Variants in BMAL1 observed in about 807,000 individuals in gnomAD.
The protein encoded by BMAL1 is basic helix-loop-helix ARNT like 1.
the BMAL1 span, among the ~76,000 whole-genome samples, chr11:13,298,284 CTG>C: frequency 6.6e-6 from 1 of 152,176 alleles, no homozygotes. Context: ...GGCATGCTTC[CTG>C]TTTAAGCTCT....
chr11:13,371,956 C>G, the BMAL1 span, among the ~76,000 whole-genome samples: 1 of 152,212 alleles, frequency 6.6e-6, no homozygotes, highest in African/African-American at 2.4e-5. Context: ...CATGGTATAA[C>G]TGGCCCTACT....
chr11:13,288,289 C>G, the BMAL1 span, among the ~76,000 whole-genome samples: 1 of 152,140 alleles, frequency 6.6e-6, no homozygotes, highest in African/African-American at 2.4e-5. Flanking sequence ...GTGGTAGATC[C>G]AGGCTTAAAA....
At chr11:13,296,629 C>T in the BMAL1 span, among the ~76,000 whole-genome samples, 1 of 152,188 alleles carries the variant, frequency 6.6e-6, no homozygotes, top group African/African-American at 2.4e-5. Flanking sequence ...GTGAATGTGG[C>T]CCTCAGAGGG....
the BMAL1 span, among the ~76,000 whole-genome samples, chr11:13,334,432 C>G: frequency 2.0e-5 from 3 of 152,136 alleles, no homozygotes; most frequent in Non-Finnish European, 2.9e-5. Flanking sequence ...TCTGCACTGT[C>G]CCCAACAAAT....
chr11:13,343,642 G>T, the BMAL1 span, among the ~76,000 whole-genome samples: 1 of 152,194 alleles, frequency 6.6e-6, no homozygotes, highest in Non-Finnish European at 1.5e-5. Flanking sequence ...ACTTGACAAA[G>T]GGTTAAGAAG....
At chr11:13,313,029 T>TA in the BMAL1 span, among the ~76,000 whole-genome samples, 7 of 152,092 alleles carry the variant, frequency 4.6e-5, no homozygotes, top group African/African-American at 1.7e-4. Context: ...TCGTTGGGGG[T>TA]AAAATCCATA....
the BMAL1 span, among the ~76,000 whole-genome samples, chr11:13,349,279 C>T: frequency 3.6e-4 from 55 of 152,368 alleles, no homozygotes; most frequent in Non-Finnish European, 5.9e-4. Flanking sequence ...CATTATGCTT[C>T]GGCTTAATGT....
chr11:13,354,280 T>C, the BMAL1 span: 1 of 1,544,018 alleles, frequency 6.5e-7, no homozygotes, highest in Non-Finnish European at 8.8e-7. Context: ...CACACCTTTG[T>C]GCCTCTTGTA....
chr11:13,313,673 T>C, the BMAL1 span, among the ~76,000 whole-genome samples: 1 of 152,168 alleles, frequency 6.6e-6, no homozygotes, highest in Admixed American at 6.5e-5. Context: ...TATGACAGCC[T>C]CTTAATTGGT....
the BMAL1 span, among the ~76,000 whole-genome samples, chr11:13,337,128 C>G: frequency 1.3e-5 from 2 of 152,160 alleles, no homozygotes; most frequent in Non-Finnish European, 1.5e-5. Context: ...GGTTTGTTTC[C>G]TTTCAGTCCT....
At chr11:13,284,996 C>A in the BMAL1 span, among the ~76,000 whole-genome samples, 1 of 152,194 alleles carries the variant, frequency 6.6e-6, no homozygotes, top group African/African-American at 2.4e-5. Context: ...TCACTTCACA[C>A]TCTCCCTCTG....
At chr11:13,288,278 A>G in the BMAL1 span, among the ~76,000 whole-genome samples, 23 of 152,172 alleles carry the variant, frequency 1.5e-4, no homozygotes. Flanking sequence ...ACAGCTGATA[A>G]GTGGTAGATC....
the BMAL1 span, among the ~76,000 whole-genome samples, chr11:13,336,331 CT>C: frequency 6.6e-6 from 1 of 152,274 alleles, no homozygotes; most frequent in Non-Finnish European, 1.5e-5. Context: ...CCCATATAGA[CT>C]TTTAAAGAAA....
chr11:13,371,384 CA>C, the BMAL1 span, among the ~76,000 whole-genome samples: 3 of 152,178 alleles, frequency 2.0e-5, no homozygotes, highest in African/African-American at 7.2e-5. Context: ...ATATTCACAG[CA>C]AATCCCAACA....
the BMAL1 span, chr11:13,372,520 A>G: frequency 6.6e-7 from 1 of 1,504,514 alleles, no homozygotes; most frequent in East Asian, 2.3e-5. Flanking sequence ...ATGAAGAAAG[A>G]AAGAAAAAGC....
the BMAL1 span, among the ~76,000 whole-genome samples, chr11:13,284,048 C>T: frequency 2.0e-5 from 3 of 148,538 alleles, no homozygotes; most frequent in Admixed American, 2.0e-4. Flanking sequence ...AGACCAACGT[C>T]CACAACTTTG....
the BMAL1 span, among the ~76,000 whole-genome samples, chr11:13,338,239 AC>A: frequency 6.6e-6 from 1 of 152,152 alleles, no homozygotes; most frequent in African/African-American, 2.4e-5. Flanking sequence ...AGGAAAAAAA[AC>A]AAGCCGATTT....
the BMAL1 span, among the ~76,000 whole-genome samples, chr11:13,311,015 A>G: frequency 1.3e-5 from 2 of 152,260 alleles, no homozygotes; most frequent in South Asian, 2.1e-4. Flanking sequence ...TAGCGTTTTC[A>G]GTCTTCTTAG....
At chr11:13,385,083 T>C in the BMAL1 span, among the ~76,000 whole-genome samples, 1 of 152,158 alleles carries the variant, frequency 6.6e-6, no homozygotes, top group Non-Finnish European at 1.5e-5. Context: ...TCTCAAAGAA[T>C]GCTCTTCTTT....
Sources: allele counts gnomAD v4.1 joint callset (sites outside exome capture counted in the v4.1 genomes callset), GRCh38; gene constraint gnomAD v4.1.1; transcripts MANE v1.5; gene names NCBI Gene and HGNC (gene_info 2026-07-23, HGNC 2026-07-21).